The following C2CD5 variants were observed in gnomAD, a reference collection of about 807,000 sequenced individuals.
The protein encoded by C2CD5 is C2 domain-containing protein 5.
C2CD5 carries 109 observed loss-of-function variants against 130.3 expected under a neutral mutation model. That is an observed-to-expected ratio of 0.84 (90% CI 0.72 to 0.98). C2CD5 has a LOEUF of 0.98. Among genes scored for constraint, C2CD5 ranks in the 50% least tolerant of loss-of-function variants. C2CD5 has a pLI of 0.00. For missense variants in C2CD5, 996 were observed against 1,261.8 expected, an observed-to-expected ratio of 0.79 and a Z score of 3.19; for synonymous variants, 454 against 429.2, an observed-to-expected ratio of 1.06 and a Z score of -0.71.
intron 26 of C2CD5, among the ~76,000 whole-genome samples, chr12:22,450,805 C>G (rs1011783330): frequency 1.3e-5 from 2 of 151,938 alleles, no homozygotes; most frequent in African/African-American, 2.4e-5. Flanking sequence ...TGAAAATAAC[C>G]TAAATATTTA....
Position 22,523,448 on chromosome 12 carries a change from A to G in C2CD5, c.778T>C (p.Ser260Pro). ...SPAAFLPACN[S>P]PSKEMKEIPF... ...TACTCCTTCATTTCTTTGGATGGGGAATTACATGCAGGAAGGAATGCTGCT... is the reference window on the plus strand; with the variant it reads ...TACTCCTTCATTTCTTTGGATGGGGGATTACATGCAGGAAGGAATGCTGCT... Residue 260 changes from serine to proline, a missense_variant, in exon 7 of 27, where the codon TCC becomes CCC. Coordinates refer to ENST00000446597, the MANE Select transcript of C2CD5 (RefSeq NM_001286176.2). 1 of 1,613,770 alleles carries G rather than the reference A, an allele frequency of 6.2e-7. No individual in the cohort carries two copies. The highest frequency in any genetic ancestry group is 2.2e-5 in the East Asian group (1 of 44,864).
At chr12:22,464,332 T>C (rs1420628273) in intron 22 of C2CD5, among the ~76,000 whole-genome samples, 1 of 152,174 alleles carries the variant, frequency 6.6e-6, no homozygotes, top group Non-Finnish European at 1.5e-5. Flanking sequence ...CTTCTTACAT[T>C]TTCCTGCTTC....
rs1439343150 is a variant in C2CD5, at chr12:22,525,684, A to G, written c.371T>C (p.Val124Ala). The stretch of plus-strand genomic sequence containing the variant: ...ATTGAAGAGGTCTACTTTGACAACT[A>G]CATTGATTTCCCCACGGATACCTAT... ...TIHGIRGEIN[V>A]VVKVDLFNDL... The change falls in exon 5 of 27, where the codon GTA becomes GCA. Residue 124 changes from valine (V) to alanine (A), a missense_variant. Around this residue, in one of 9 missense-constraint regions of C2CD5, gnomAD observed 68 missense variants for 154.5 expected, o/e 0.44. Coordinates refer to ENST00000446597, the MANE Select transcript of C2CD5 (RefSeq NM_001286176.2). 1.3e-6 allele frequency: 2 copies of G among 1,564,252 alleles called. No individual in the cohort carries two copies. The highest frequency in any genetic ancestry group is 1.8e-6 in the Non-Finnish European group (2 of 1,135,226).
At chr12:22,527,330 A>ATATATAT (rs1472237626) in intron 4 of C2CD5, among the ~76,000 whole-genome samples, 12 of 138,150 alleles carry the variant, frequency 8.7e-5, no homozygotes, top group African/African-American at 3.4e-4. Flanking sequence ...ATATATATAT[A>ATATATAT]TTTTTTTTTT....
chr12:22,507,501 C>G (rs1359609060), intron 9 of C2CD5, among the ~76,000 whole-genome samples: 1 of 152,148 alleles, frequency 6.6e-6, no homozygotes, highest in South Asian at 2.1e-4. Context: ...TTCTTGCAAG[C>G]TTTATTCTAT....
At chr12:22,533,769 A>G (rs1165026998) in intron 3 of C2CD5, among the ~76,000 whole-genome samples, 4 of 152,234 alleles carry the variant, frequency 2.6e-5, no homozygotes, top group African/African-American at 7.2e-5. Flanking sequence ...CCAGGCCATG[A>G]GCCATTTGAA....
intron 8 of C2CD5, among the ~76,000 whole-genome samples, chr12:22,516,527 C>G (rs1202787749): frequency 6.7e-6 from 1 of 150,082 alleles, no homozygotes; most frequent in African/African-American, 2.4e-5. Context: ...TATTCCTTGA[C>G]AATCTTCTTT....
chr12:22,461,907 A>T (rs1315778633), intron 22 of C2CD5, among the ~76,000 whole-genome samples: 2 of 152,128 alleles, frequency 1.3e-5, no homozygotes, highest in Admixed American at 1.3e-4. Context: ...TCTCCTAGAA[A>T]AAAAAGGCCC....
At position 22,514,903 on chromosome 12, in the gene C2CD5, A is replaced by T. The variant is rs187837899; in HGVS notation, c.953-1524T>A. On this transcript the variant is annotated intron_variant, in intron 8 of 26. Coordinates refer to ENST00000446597, the MANE Select transcript of C2CD5 (RefSeq NM_001286176.2). Reference sequence around the variant, plus strand: ...GGCATCTTGTATAAAATACCCAATAATTTTTTACAGCATGAAAAATAAAGG... The same window carrying T: ...GGCATCTTGTATAAAATACCCAATATTTTTTTACAGCATGAAAAATAAAGG... 9.5e-4 allele frequency: 801 copies of T among 842,482 alleles called. 4 individuals are homozygous for T. In the African/African-American group the frequency reaches 0.014, roughly 15 times the overall value. 52.2% of individuals were successfully genotyped at this position (842,482 alleles called of 1,614,324 possible).
intron 2 of C2CD5, among the ~76,000 whole-genome samples, chr12:22,541,569 A>G (rs1952387353): frequency 6.6e-6 from 1 of 152,108 alleles, no homozygotes; most frequent in African/African-American, 2.4e-5. Context: ...TTCTTAAAAC[A>G]CACCAAATCT....
At chr12:22,534,238 T>C (rs950265758) in intron 3 of C2CD5, among the ~76,000 whole-genome samples, 3 of 152,122 alleles carry the variant, frequency 2.0e-5, no homozygotes, top group African/African-American at 4.8e-5. Flanking sequence ...TTATAAAAAT[T>C]AACTCCAAAT....
intron 9 of C2CD5, chr12:22,512,542 G>A (rs1949300243): frequency 8.7e-6 from 7 of 805,560 alleles, no homozygotes; most frequent in Admixed American, 6.5e-5. Context: ...AAAGAAAAAC[G>A]CTGTCAACAT....
intron 16 of C2CD5, among the ~76,000 whole-genome samples, chr12:22,473,409 T>G (rs1172296470): frequency 1.3e-5 from 2 of 152,094 alleles, no homozygotes; most frequent in Non-Finnish European, 2.9e-5. Flanking sequence ...AAGAACCACT[T>G]TCACTTCCAC....
Position 22,527,799 on chromosome 12 carries a change from T to C in C2CD5, c.271A>G (p.Ile91Val), listed in dbSNP as rs1272371003. 4.3e-6 allele frequency: 7 copies of C among 1,610,218 alleles called. No homozygotes were observed. Among genetic ancestry groups the C allele is most frequent in the Non-Finnish European group, 4.2e-6 (5 of 1,176,722 alleles). The part of the protein sequence containing the change: ...SANDAIGKVY[I>V]DIDPLLYSEA... ...CTATACAGTAAAGGATCAATATCAA[T>C]GTACACTTTACCAATGGCATCATTT... Residue 91 changes from isoleucine to valine, a missense_variant, in exon 4 of 27, where the codon ATT becomes GTT. Ile to Val is a conservative substitution (Grantham distance 29). Around this residue, in one of 9 missense-constraint regions of C2CD5, gnomAD observed 68 missense variants for 154.5 expected, o/e 0.44. Transcript: ENST00000446597.
At chr12:22,478,213 A>T (rs568795168) in intron 15 of C2CD5, 100 bp downstream of exon 15, 2 of 911,754 alleles carry the variant, frequency 2.2e-6, no homozygotes, top group Admixed American at 1.9e-5. Flanking sequence ...AAGGAGAGCT[A>T]AACAGTGAAA....
chr12:22,494,225 T>A (rs1309830502), intron 10 of C2CD5, among the ~76,000 whole-genome samples: 1 of 152,056 alleles, frequency 6.6e-6, no homozygotes, highest in East Asian at 1.9e-4. Flanking sequence ...TCATAATTTA[T>A]TTCTTTTTGT....
Position 22,472,150 on chromosome 12 carries a change from TACTA to T in C2CD5, c.2170-89_2170-86del, listed in dbSNP as rs1943136518. 4.5e-6 allele frequency: 4 copies of T among 892,432 alleles called. No individual in the cohort carries two copies. In the East Asian group the frequency reaches 7.7e-5, roughly 17 times the overall value. The allele number at this position is 892,432 out of a possible 1,614,324, so 55.3% of individuals were successfully genotyped here. A position where few individuals can be genotyped will look rare whatever the true frequency, so the allele number is the denominator to read the frequency against. On this transcript the variant is annotated intron_variant, in intron 18 of 26. Transcript: ENST00000446597. ...TGATAAATTGCCAAATAATGAACAA[TACTA>T]ACTAATGTAGTAGAATAAGGATGGT...
At chr12:22,469,675 G>A (rs767790227) in intron 22 of C2CD5, 34 bp downstream of exon 22, 1 of 1,332,574 alleles carries the variant, frequency 7.5e-7, no homozygotes, top group Admixed American at 2.0e-5. Flanking sequence ...TAGAAACCAG[G>A]ATTTGTGTTT....
At chr12:22,469,656 G>C (rs951769839) in intron 22 of C2CD5, 53 bp downstream of exon 22, 7 of 1,085,712 alleles carry the variant, frequency 6.4e-6, no homozygotes, top group Non-Finnish European at 9.4e-6. Flanking sequence ...AAGAAGCAGT[G>C]AAAGGAACTA....
Sources: gnomAD v4.1 joint callset for allele counts (sites outside exome capture counted in the v4.1 genomes callset) on GRCh38, gnomAD v4.1.1 for gene constraint, gnomAD v4.1.1 regional missense constraint, MANE v1.5 for transcripts, NCBI Gene and HGNC (gene_info 2026-07-23, HGNC 2026-07-21) for gene names.